GCNT2: variants seen among roughly 807,000 people sequenced by gnomAD.
GCNT2 encodes the protein glucosaminyl (N-acetyl) transferase 2 (I blood group), also known as N-acetyllactosaminide beta-1,6-N-acetylglucosaminyl-transferase.
GCNT2 carries 34 observed loss-of-function variants against 34.2 expected under a neutral mutation model. The ratio of observed to expected loss-of-function variants is 1.00; its 90% CI spans 0.76 to 1.32. The LOEUF (loss-of-function observed/expected upper bound fraction) is 1.32. GCNT2 is among the 40% of genes most tolerant of loss of function. GCNT2 has a pLI of 0.00. For synonymous variants in GCNT2, 212 were observed against 188.0 expected (o/e 1.13, Z -1.04); for missense variants, 584 against 489.4 (o/e 1.19, Z -1.82).
intron 3 of GCNT2, among the ~76,000 whole-genome samples, chr6:10,582,407 G>A (rs922240649): frequency 1.7e-5 from 2 of 114,698 alleles, no homozygotes; most frequent in African/African-American, 7.4e-5. Flanking sequence ...ATAATAAATA[G>A]TATAATATTT....
At chr6:10,601,565 T>C (rs1765086310) in intron 3 of GCNT2, among the ~76,000 whole-genome samples, 1 of 152,224 alleles carries the variant, frequency 6.6e-6, no homozygotes. Context: ...GGTTTATTTT[T>C]TCCTATAAAT....
At chr6:10,545,766 G>GA (rs1213544376) in intron 3 of GCNT2, among the ~76,000 whole-genome samples, 1 of 152,202 alleles carries the variant, frequency 6.6e-6, no homozygotes, top group East Asian at 1.9e-4. Context: ...GCCAGCAGTG[G>GA]AGGAGGGTGT....
intron 3 of GCNT2, among the ~76,000 whole-genome samples, chr6:10,571,980 A>C (rs762296103): frequency 5.3e-5 from 8 of 152,256 alleles, no homozygotes; most frequent in Non-Finnish European, 1.0e-4. Context: ...AATCAGTAAT[A>C]CCTTCAGTAG....
chr6:10,542,872 C>G (rs1762095781), intron 3 of GCNT2, among the ~76,000 whole-genome samples: 1 of 144,014 alleles, frequency 6.9e-6, no homozygotes, highest in South Asian at 2.2e-4. Flanking sequence ...AAGAGTGAAA[C>G]TGCTGGTCCC....
chr6:10,557,133 A>AT lies in GCNT2; in HGVS notation c.925+27297_925+27298insT, dbSNP rs949335475. The AT allele has an allele frequency of 2.6e-6, 4 of 1,553,960 alleles. No individual in the cohort carries two copies. Among genetic ancestry groups the AT allele is most frequent in the African/African-American group, 1.4e-5 (1 of 72,660 alleles). ...TATGTCCACCAAGAGCACCTGGGCA[A>AT]AGAGCTTTCCTATGTGATAAGAACA... On this transcript the variant is annotated intron_variant, in intron 3 of 4. Coordinates refer to ENST00000495262, the MANE Select transcript of GCNT2 (RefSeq NM_145649.5).
intron 3 of GCNT2, among the ~76,000 whole-genome samples, chr6:10,531,498 T>C (rs1761486381): frequency 6.6e-6 from 1 of 152,196 alleles, no homozygotes; most frequent in Non-Finnish European, 1.5e-5. Context: ...GACCTAACTA[T>C]TGATATTTGT....
intron 3 of GCNT2, among the ~76,000 whole-genome samples, chr6:10,588,348 G>A (rs1298895993): frequency 6.6e-6 from 1 of 151,736 alleles, no homozygotes; most frequent in African/African-American, 2.4e-5. Flanking sequence ...ATTTTTGTTG[G>A]TATAGTTGGT....
At chr6:10,603,925 C>T (rs1481278594) in intron 3 of GCNT2, among the ~76,000 whole-genome samples, 2 of 141,198 alleles carry the variant, frequency 1.4e-5, no homozygotes, top group Non-Finnish European at 3.0e-5. Context: ...GAGATGGAGT[C>T]TTGCTCTATC....
In GCNT2 at chr6:10,528,833, G is replaced by C; in HGVS notation, c.-79G>C. ...CATCACGAGGATGATTTCGGAACCT[G>C]GAGAAAATGTAAGTTAAATATATCT... is the stretch of plus-strand genomic sequence containing the variant. On this transcript the variant is annotated 5_prime_UTR_variant, in exon 3 of 5. Transcript: ENST00000495262. 1 of 1,193,564 alleles carries C rather than the reference G, an allele frequency of 8.4e-7. No homozygotes were observed. Among genetic ancestry groups the C allele is most frequent in the Non-Finnish European group, 1.2e-6 (1 of 801,568 alleles). The allele number at this position is 1,193,564 out of a possible 1,614,324, so 73.9% of individuals were successfully genotyped here. A position where few individuals can be genotyped will look rare whatever the true frequency, so the allele number is the denominator to read the frequency against.
At chr6:10,544,639 TAAA>T (rs1762185619) in intron 3 of GCNT2, among the ~76,000 whole-genome samples, 1 of 136,894 alleles carries the variant, frequency 7.3e-6, no homozygotes, top group African/African-American at 2.7e-5. Context: ...AAATATTAAA[TAAA>T]TAAATAAATA....
chr6:10,596,083 A>G (rs1764839018), intron 3 of GCNT2, among the ~76,000 whole-genome samples: 1 of 152,226 alleles, frequency 6.6e-6, no homozygotes, highest in South Asian at 2.1e-4. Flanking sequence ...CTGAAAAGTA[A>G]AAATATTTTT....
chr6:10,621,452 C>T lies in GCNT2; in HGVS notation c.1018+9C>T, dbSNP rs1766033201. ...ACACGGAGGCTGCCACGGTGAGGCT[C>T]TCGTTCCATGCTTCTAGGCCACTGC... On this transcript the variant is annotated intron_variant, in intron 4 of 4. Transcript: ENST00000495262. 3 of 1,573,590 alleles carry T rather than the reference C, an allele frequency of 1.9e-6. No individual in the cohort carries two copies. The highest frequency in any genetic ancestry group is 2.6e-6 in the Non-Finnish European group (3 of 1,143,444).
At chr6:10,534,968 G>T (rs1761691300) in intron 3 of GCNT2, among the ~76,000 whole-genome samples, 1 of 152,198 alleles carries the variant, frequency 6.6e-6, no homozygotes, top group Non-Finnish European at 1.5e-5. Context: ...CGGATCACCT[G>T]AGGTCAGAAG....
intron 3 of GCNT2, among the ~76,000 whole-genome samples, chr6:10,547,263 C>T (rs1762312240): frequency 6.6e-6 from 1 of 152,200 alleles, no homozygotes. Flanking sequence ...CATGTAACCA[C>T]AGTACAACTA....
At chr6:10,555,801 G>A in intron 3 of GCNT2, 2 of 985,398 alleles carry the variant, frequency 2.0e-6, no homozygotes, top group Non-Finnish European at 2.4e-6. Flanking sequence ...TCTTTTATTT[G>A]AGATGTCACT....
At chr6:10,624,301 G>A (rs369974606) in intron 4 of GCNT2, among the ~76,000 whole-genome samples, 1 of 152,144 alleles carries the variant, frequency 6.6e-6, no homozygotes, top group African/African-American at 2.4e-5. Context: ...ACAGTTCCAC[G>A]TGACTGGGGA....
At chr6:10,556,105 A>G in intron 3 of GCNT2, 1 of 1,244,214 alleles carries the variant, frequency 8.0e-7, no homozygotes, top group South Asian at 1.7e-5. Flanking sequence ...GGGGAAAGAG[A>G]GTTACCGGAG....
rs1037907811 is a variant in GCNT2, at chr6:10,628,972, A to AG, written c.*2366dup. On this transcript the variant is annotated 3_prime_UTR_variant, in exon 5 of 5. Transcript: ENST00000495262. Reference sequence around the variant, plus strand: ...AGGAGGTGGAGGTTACAGTGAGCTGAGAGTGCCCCACTGCACTCCAGCCTG... The same window carrying AG: ...AGGAGGTGGAGGTTACAGTGAGCTGAGGAGTGCCCCACTGCACTCCAGCCTG... 3.3e-5 allele frequency: 5 copies of AG among 152,614 alleles called. No homozygotes were observed. Among genetic ancestry groups the AG allele is most frequent in the African/African-American group, 9.6e-5 (4 of 41,468 alleles). 9.5% of individuals were successfully genotyped at this position (152,614 alleles called of 1,614,324 possible).
rs1310395094 is a variant in GCNT2, at chr6:10,610,276, C to T, written c.926-11075C>T. Among the ~76,000 whole-genome samples, 4 of 152,098 alleles carry T rather than the reference C, an allele frequency of 2.6e-5. 1 individual carries two copies. In the South Asian group the frequency reaches 8.3e-4, roughly 32 times the overall value. On this transcript the variant is annotated intron_variant, in intron 3 of 4. Coordinates refer to ENST00000495262, the MANE Select transcript of GCNT2 (RefSeq NM_145649.5). ...GGAATAACTAGTGCATTAGGTTAAT[C>T]GTGAAGGTGAAAGATTTTGAAGTAT...
Sources: gnomAD v4.1 joint callset for allele counts (sites outside exome capture counted in the v4.1 genomes callset) on GRCh38, gnomAD v4.1.1 for gene constraint, MANE v1.5 for transcripts, NCBI Gene and HGNC (gene_info 2026-07-23, HGNC 2026-07-21) for gene names.